Variants in HPCAL1 observed in about 807,000 individuals in gnomAD.
HPCAL1 encodes the protein hippocalcin-like protein 1.
In HPCAL1, 8 loss-of-function variants were observed where a neutral mutation model predicts 17.1. The ratio of observed to expected loss-of-function variants is 0.47; its 90% CI spans 0.27 to 0.84. The LOEUF is 0.84. Among genes scored for constraint, HPCAL1 ranks in the 40% least tolerant of loss-of-function variants. The pLI is 0.13. For synonymous variants in HPCAL1, 112 were observed against 111.4 expected, an observed-to-expected ratio of 1.01 and a Z score of -0.03; for missense variants, 165 against 271.1, an observed-to-expected ratio of 0.61 and a Z score of 2.75.
intron 1 of HPCAL1, among the ~76,000 whole-genome samples, chr2:10,391,475 C>T (rs1010330502): frequency 7.2e-5 from 11 of 152,286 alleles, no homozygotes; most frequent in Admixed American, 2.6e-4. Flanking sequence ...ACCATTTACC[C>T]ATTTAAAGTA....
chr2:10,348,619 A>T (rs897043439), intron 1 of HPCAL1, among the ~76,000 whole-genome samples: 1 of 150,630 alleles, frequency 6.6e-6, no homozygotes. Context: ...AAAAATATAT[A>T]TATATATAAA....
intron 1 of HPCAL1, among the ~76,000 whole-genome samples, chr2:10,338,275 T>C (rs1664842255): frequency 6.6e-6 from 1 of 152,110 alleles, no homozygotes; most frequent in African/African-American, 2.4e-5. Context: ...CTGTAGGACC[T>C]GGTGAATAAT....
intron 2 of HPCAL1, among the ~76,000 whole-genome samples, chr2:10,411,862 T>G (rs1406877812): frequency 6.6e-6 from 1 of 152,184 alleles, no homozygotes; most frequent in African/African-American, 2.4e-5. Context: ...GAGGGCAGAC[T>G]TCCCTCAACT....
At chr2:10,399,403 C>T (rs1242008302) in intron 2 of HPCAL1, among the ~76,000 whole-genome samples, 114 of 54,438 alleles carry the variant, frequency 2.1e-3, no homozygotes, top group Non-Finnish European at 3.0e-3. Flanking sequence ...ACCATCACCA[C>T]CACCACCACC....
intron 1 of HPCAL1, among the ~76,000 whole-genome samples, chr2:10,368,169 T>C (rs1558491248): frequency 6.7e-6 from 1 of 149,886 alleles, no homozygotes; most frequent in Non-Finnish European, 1.5e-5. Context: ...TGTGTGTGCA[T>C]TGTGTGTAGG....
At chr2:10,332,839 A>G (rs1490832315) in intron 1 of HPCAL1, among the ~76,000 whole-genome samples, 2 of 152,282 alleles carry the variant, frequency 1.3e-5, no homozygotes, top group South Asian at 2.1e-4. Flanking sequence ...GGGTGGTCAG[A>G]TGTGAAGGGC....
chr2:10,397,263 G>A (rs1024358598), intron 2 of HPCAL1, among the ~76,000 whole-genome samples: 2 of 152,114 alleles, frequency 1.3e-5, no homozygotes, highest in African/African-American at 2.4e-5. Context: ...TGAGAAGGAC[G>A]TGTGGGTGAG....
intron 4 of HPCAL1, chr2:10,425,907 A>C (rs3755259): frequency 6.6e-6 from 1 of 152,066 alleles, no homozygotes; most frequent in African/African-American, 2.4e-5. Flanking sequence ...CCTTGAGGCC[A>C]TGTCTGAACG....
At chr2:10,311,818 C>A (rs1024395295) in intron 1 of HPCAL1, among the ~76,000 whole-genome samples, 1 of 152,102 alleles carries the variant, frequency 6.6e-6, no homozygotes, top group Non-Finnish European at 1.5e-5. Flanking sequence ...TCACTGACAT[C>A]ATCACTTTTC....
rs1665207795 is a variant in HPCAL1 at position 10,343,288 on chromosome 2, C to G, written c.-111+40111C>G. Among the ~76,000 whole-genome samples, 1 of 152,256 alleles carries G rather than the reference C, an allele frequency of 6.6e-6. No homozygotes were observed. The highest frequency in any genetic ancestry group is 6.5e-5 in the Admixed American group (1 of 15,294). ...ACCACATTCAAATTACTTATCTCCT[C>G]TTCCCCTGCCACTCTGCTGAGAAGG... is the stretch of plus-strand genomic sequence containing the variant. On this transcript the variant is annotated intron_variant, in intron 1 of 4. Transcript: ENST00000307845. This position sits in a 1 kb window ranked among gnomAD's most constrained non-coding sequence, Gnocchi z 4.8.
chr2:10,408,262 GTC>G (rs112759274), intron 2 of HPCAL1, among the ~76,000 whole-genome samples: 4 of 151,454 alleles, frequency 2.6e-5, no homozygotes, highest in Non-Finnish European at 5.9e-5. Context: ...GCCCTGCTGG[GTC>G]TCTCTCTCTC....
rs908743026 is a variant in HPCAL1 at position 10,359,520 on chromosome 2, T to A, written c.-110-37315T>A. Among the ~76,000 whole-genome samples the A allele has an allele frequency of 6.6e-6, 1 of 152,202 alleles. No individual in the cohort carries two copies. Among genetic ancestry groups the A allele is most frequent in the African/African-American group, 2.4e-5 (1 of 41,458 alleles). ...GGCAGAGTTGGCCCAGAGGGAACAT[T>A]TCTCCCACCCTCTGTCCCTCGGGGA... On this transcript the variant is annotated intron_variant, in intron 1 of 4. Coordinates refer to ENST00000307845, the MANE Select transcript of HPCAL1 (RefSeq NM_002149.4). The surrounding 1 kb of genome is among the most constrained non-coding windows in gnomAD (Gnocchi z 4.1).
At chr2:10,409,615 A>C (rs1416794089) in intron 2 of HPCAL1, among the ~76,000 whole-genome samples, 1 of 152,064 alleles carries the variant, frequency 6.6e-6, no homozygotes, top group Non-Finnish European at 1.5e-5. Context: ...CTGGATAAGA[A>C]AGAGCACAAA....
intron 1 of HPCAL1, among the ~76,000 whole-genome samples, chr2:10,352,303 T>A (rs941927656): frequency 6.6e-6 from 1 of 152,210 alleles, no homozygotes; most frequent in African/African-American, 2.4e-5. Flanking sequence ...AGGGAGGTTC[T>A]TGCTTTCCTT....
intron 1 of HPCAL1, among the ~76,000 whole-genome samples, chr2:10,372,657 C>G (rs998904740): frequency 2.0e-5 from 3 of 152,238 alleles, no homozygotes; most frequent in Admixed American, 6.5e-5. Context: ...AGAGCTCTTC[C>G]TCCCTGCCTG....
chr2:10,394,474 G>A lies in HPCAL1; in HGVS notation c.-110-2361G>A, dbSNP rs183022516. On this transcript the variant is annotated intron_variant, in intron 1 of 4. Transcript: ENST00000307845. The surrounding 1 kb of genome is among the most constrained non-coding windows in gnomAD (Gnocchi z 5.0). ...TGGCTGAGATCATCGATTTGAAAAC[G>A]CCGTGAGAAAATATGGGGCAAGGCA... Among the ~76,000 whole-genome samples the A allele has an allele frequency of 4.5e-3, 685 of 152,326 alleles. 5 individuals carry two copies. The highest frequency in any genetic ancestry group is 0.016 in the African/African-American group (651 of 41,562).
intron 1 of HPCAL1, among the ~76,000 whole-genome samples, chr2:10,391,020 C>CT (rs1295462243): frequency 6.6e-6 from 1 of 152,218 alleles, no homozygotes; most frequent in Non-Finnish European, 1.5e-5. Flanking sequence ...GAGCTTATGT[C>CT]TGACTGCCTA....
intron 1 of HPCAL1, among the ~76,000 whole-genome samples, chr2:10,391,654 G>A (rs1201000910): frequency 6.6e-6 from 1 of 152,162 alleles, no homozygotes; most frequent in East Asian, 1.9e-4. Context: ...AAGAAACTAC[G>A]AATCTACTTT....
intron 1 of HPCAL1, among the ~76,000 whole-genome samples, chr2:10,328,958 C>T (rs748921902): frequency 8.6e-5 from 13 of 151,576 alleles, no homozygotes; most frequent in Non-Finnish European, 1.6e-4. Context: ...GTAAGCTGTC[C>T]GAGGGGTTCT....
Sources: allele counts gnomAD v4.1 joint callset (sites outside exome capture counted in the v4.1 genomes callset), GRCh38; gene constraint gnomAD v4.1.1; non-coding constraint Gnocchi (gnomAD v3.1); transcripts MANE v1.5; gene names NCBI Gene and HGNC (gene_info 2026-07-23, HGNC 2026-07-21).